Variants in GNB2 observed in about 807,000 individuals in gnomAD.
GNB2 encodes the protein guanine nucleotide-binding protein G(I)/G(S)/G(T) subunit beta-2.
Under a neutral mutation model 40.7 loss-of-function variants are expected in GNB2, and 7 were observed. That is an observed-to-expected ratio of 0.17 (90% CI 0.10 to 0.32). The LOEUF (loss-of-function observed/expected upper bound fraction) is 0.32, where lower values mean the gene tolerates loss of function less well. Ranked by LOEUF, GNB2 falls within the 10% of genes least tolerant of loss-of-function variation. The pLI, the probability that GNB2 is intolerant of heterozygous loss-of-function variation, is 1.00. For missense variants in GNB2, 286 were observed against 473.0 expected, an observed-to-expected ratio of 0.60 and a Z score of 3.67; for synonymous variants, 254 against 191.2, an observed-to-expected ratio of 1.33 and a Z score of -2.71.
At chr7:100,675,080 C>G (rs1383862228) in intron 1 of GNB2, among the ~76,000 whole-genome samples, 1 of 151,740 alleles carries the variant, frequency 6.6e-6, no homozygotes, top group African/African-American at 2.4e-5. Context: ...ACGGCCGGAT[C>G]GCACAGGTGT....
At chr7:100,677,912 A>G (rs1232026418) in intron 7 of GNB2, 94 bp downstream of exon 7, 1 of 1,182,608 alleles carries the variant, frequency 8.5e-7, no homozygotes, top group Non-Finnish European at 1.2e-6. Flanking sequence ...CATGCACCGT[A>G]GCCTCCCTCT....
chr7:100,677,298 G>A (rs1006087185), intron 4 of GNB2, 54 bp from the exon 5 acceptor site: 11 of 1,392,570 alleles, frequency 7.9e-6, no homozygotes, highest in African/African-American at 1.4e-5. Context: ...AGGGAAGGGG[G>A]TGTGTCTTGT....
rs914902723 is a variant in GNB2, at chr7:100,678,998, G to A, written c.*197G>A. On this transcript the variant is annotated 3_prime_UTR_variant, in exon 10 of 10. Coordinates refer to ENST00000303210, the MANE Select transcript of GNB2 (RefSeq NM_005273.4). Reference sequence around the variant, plus strand: ...AGAAGGGGATGGAATGGGGGAAGAGGAGGAGCAGGAGGCCCTCATCCTTCT... The same window carrying A: ...AGAAGGGGATGGAATGGGGGAAGAGAAGGAGCAGGAGGCCCTCATCCTTCT... 5.2e-6 allele frequency: 3 copies of A among 573,964 alleles called. No homozygotes were observed. The highest frequency in any genetic ancestry group is 2.2e-5 in the South Asian group (1 of 44,632). The allele number at this position is 573,964 out of a possible 1,614,324, so 35.6% of individuals were successfully genotyped here.
Position 100,676,263 on chromosome 7 carries a change from G to T in GNB2, c.-3G>T. 6.2e-7 allele frequency: 1 copy of T among 1,600,738 alleles called. No homozygotes were observed. The highest frequency in any genetic ancestry group is 8.5e-7 in the Non-Finnish European group (1 of 1,173,954). ...CCCAACCCTGCCCCACGGGCCCGGC[G>T]CCATGAGTGAGCTGGAGCAACTGAG... On this transcript the variant is annotated 5_prime_UTR_variant, in exon 2 of 10. Coordinates refer to ENST00000303210, the MANE Select transcript of GNB2 (RefSeq NM_005273.4).
At chr7:100,676,489 CA>C in intron 2 of GNB2, 45 bp from the exon 3 acceptor site, 1 of 1,542,310 alleles carries the variant, frequency 6.5e-7, no homozygotes, top group South Asian at 1.1e-5. Flanking sequence ...CTTTCCTCCC[CA>C]ACCTGTCTTC....
rs1381202427 is a variant in GNB2 at position 100,676,782 on chromosome 7, C to T, written c.186C>T (p.His62=). 1.3e-6 allele frequency: 2 copies of T among 1,584,986 alleles called. No homozygotes were observed. The highest frequency in any genetic ancestry group is 2.3e-5 in the East Asian group (1 of 44,110). The change falls in exon 4 of 10, where the codon CAC becomes CAT. Residue 62 remains histidine (H), a synonymous_variant. Coordinates refer to ENST00000303210, the MANE Select transcript of GNB2 (RefSeq NM_005273.4). ...ACCTGGCAAAGATCTATGCCATGCACTGGGGGACCGACTCAAGGTGTGTGT... is the reference window on the plus strand; with the variant it reads ...ACCTGGCAAAGATCTATGCCATGCATTGGGGGACCGACTCAAGGTGTGTGT... ...RGHLAKIYAM[H]WGTDSRLLVS...
intron 4 of GNB2, chr7:100,677,047 C>G: frequency 1.7e-6 from 1 of 593,058 alleles, no homozygotes; most frequent in Non-Finnish European, 3.0e-6. Context: ...GAGGCCAGGG[C>G]AGGATCACTT....
rs1804295776 is a variant in GNB2, at chr7:100,673,888, G to A, written c.-125G>A. 5.5e-6 allele frequency: 1 copy of A among 181,496 alleles called. No individual in the cohort carries two copies. The highest frequency in any genetic ancestry group is 1.1e-5 in the Non-Finnish European group (1 of 90,884). The allele number at this position is 181,496 out of a possible 1,614,324, so 11.2% of individuals were successfully genotyped here. ...AGGAAGACAGCGCCGCCCGCGCACC[G>A]CCAGCGACCTCCGCCGCAGAGTCCC... On this transcript the variant is annotated 5_prime_UTR_variant, in exon 1 of 10. Transcript: ENST00000303210.
Position 100,678,547 on chromosome 7 carries a change from G to T in GNB2, c.849G>T (p.Arg283=). Residue 283 remains arginine (R), a synonymous_variant, in exon 9 of 10, where the codon CGG becomes CGT. Coordinates refer to ENST00000303210, the MANE Select transcript of GNB2 (RefSeq NM_005273.4). ...ITSVAFSRSG[R]LLLAGYDDFN... is the part of the protein sequence containing the mutation. ...CTGTTGCCTTCTCGCGCAGCGGACG[G>T]CTGCTGCTCGCTGGCTACGACGACT... 6.2e-7 allele frequency: 1 copy of T among 1,613,878 alleles called. No homozygotes were observed. The highest frequency in any genetic ancestry group is 8.5e-7 in the Non-Finnish European group (1 of 1,180,002).
chr7:100,676,456 C>T (rs999901877), intron 2 of GNB2, 79 bp from the exon 3 acceptor site: 7 of 1,360,122 alleles, frequency 5.1e-6, no homozygotes, highest in Middle Eastern at 3.6e-4. Context: ...CTGTCCACTC[C>T]TGTCTTCTGT....
rs1804377434 is a variant in GNB2, at chr7:100,677,536, C to T, written c.306C>T (p.Thr102=). 6 of 1,613,552 alleles carry T rather than the reference C, an allele frequency of 3.7e-6. No individual in the cohort carries two copies. In the East Asian group the frequency reaches 1.1e-4, roughly 30 times the overall value. ...CGCTGCGCTCCTCCTGGGTAATGAC[C>T]TGTGCCTACGCGCCCTCAGGGAACT... The part of the protein sequence containing the change: ...AIPLRSSWVM[T]CAYAPSGNFV... Residue 102 remains threonine (T), a synonymous_variant, in exon 6 of 10, where the codon ACC becomes ACT. Transcript: ENST00000303210.
At chr7:100,677,304 C>G in intron 4 of GNB2, 48 bp from the exon 5 acceptor site, 4 of 1,496,416 alleles carry the variant, frequency 2.7e-6, no homozygotes, top group African/African-American at 1.4e-5. Context: ...GGGGGTGTGT[C>G]TTGTTTTCAC....
rs528086305 is a variant in GNB2, at chr7:100,674,207, G to C, written c.-90+284G>C. Among the ~76,000 whole-genome samples the C allele has an allele frequency of 4.6e-5, 7 of 152,126 alleles. No individual in the cohort carries two copies. In the East Asian group the frequency reaches 1.2e-3, roughly 25 times the overall value. The stretch of plus-strand genomic sequence containing the variant: ...TGCCTCTTGCTCCCTCGGAAGTTGG[G>C]GGGCTAAATTCCGGGCTTCCTCTAG... On this transcript the variant is annotated intron_variant, in intron 1 of 9. Transcript: ENST00000303210.
rs1804423550 is a variant in GNB2, at chr7:100,678,723, G to T, written c.945G>T (p.Val315=). The T allele has an allele frequency of 6.2e-7, 1 of 1,613,632 alleles. No homozygotes were observed. Among genetic ancestry groups the T allele is most frequent in the Non-Finnish European group, 8.5e-7 (1 of 1,179,998 alleles). The change falls in exon 10 of 10, where the codon GTG becomes GTT. Residue 315 remains valine, a synonymous_variant. Transcript: ENST00000303210. The part of the protein sequence containing the change: ...AGVLAGHDNR[V]SCLGVTDDGM... ...TCCTCGCTGGCCACGACAACCGCGT[G>T]AGCTGCCTCGGGGTCACCGACGATG...
chr7:100,676,064 G>A, intron 1 of GNB2, 113 bp from the exon 2 acceptor site: 1 of 499,636 alleles, frequency 2.0e-6, no homozygotes, highest in Non-Finnish European at 3.5e-6. Context: ...GACGGCGGCC[G>A]CGCCGCCCCT....
In GNB2 at chr7:100,678,897, C is replaced by A; in HGVS notation, c.*96C>A. ...GGGCTGGCGCAATCCCAGCCCCCTT[C>A]CCCGGGCCACGGGGCCTTGGGTCCC... is the stretch of plus-strand genomic sequence containing the variant. On this transcript the variant is annotated 3_prime_UTR_variant, in exon 10 of 10. Transcript: ENST00000303210. 2.1e-6 allele frequency: 2 copies of A among 968,530 alleles called. No individual in the cohort carries two copies. Among genetic ancestry groups the A allele is most frequent in the Non-Finnish European group, 3.1e-6 (2 of 638,506 alleles). 60.0% of individuals were successfully genotyped at this position (968,530 alleles called of 1,614,324 possible). A position where few individuals can be genotyped will look rare whatever the true frequency, so the allele number is the denominator to read the frequency against.
In GNB2 at chr7:100,678,764, C is replaced by T; in HGVS notation, c.986C>T (p.Thr329Met). 1 of 1,613,528 alleles carries T rather than the reference C, an allele frequency of 6.2e-7. No homozygotes were observed. The highest frequency in any genetic ancestry group is 8.5e-7 in the Non-Finnish European group (1 of 1,179,848). The change falls in exon 10 of 10, where the codon ACG becomes ATG. Residue 329 changes from threonine to methionine, a missense_variant. By Grantham distance (81) the Thr-to-Met change is moderately conservative (BLOSUM62 -1). Coordinates refer to ENST00000303210, the MANE Select transcript of GNB2 (RefSeq NM_005273.4). ...ACCGACGATGGCATGGCTGTGGCCA[C>T]GGGCTCCTGGGACTCCTTCCTCAAG... ...GVTDDGMAVA[T>M]GSWDSFLKIW...
Position 100,677,279 on chromosome 7 carries a change from C to T in GNB2, c.204-73C>T, listed in dbSNP as rs755531036. The T allele has an allele frequency of 4.1e-6, 5 of 1,219,846 alleles. No homozygotes were observed. In the East Asian group the frequency reaches 9.4e-5, roughly 23 times the overall value. 75.6% of individuals were successfully genotyped at this position (1,219,846 alleles called of 1,614,324 possible). A position where few individuals can be genotyped will look rare whatever the true frequency, so the allele number is the denominator to read the frequency against. On this transcript the variant is annotated intron_variant, in intron 4 of 9. Coordinates refer to ENST00000303210, the MANE Select transcript of GNB2 (RefSeq NM_005273.4). ...ACAACAGAGAGAGACCCTACCTTCT[C>T]CCACCCAAAGGGAAGGGGGTGTGTC...
Position 100,677,770 on chromosome 7 carries a change from G to A in GNB2, c.449G>A (p.Arg150His). ...PGHTGYLSCCRFLDDNQIITS... is the reference protein window; with the variant it reads ...PGHTGYLSCCHFLDDNQIITS... The stretch of plus-strand genomic sequence containing the variant: ...TCCCCAGGGTACCTGTCGTGTTGCC[G>A]CTTCCTGGATGACAACCAAATCATC... The change falls in exon 7 of 10, where the codon CGC (arginine) becomes CAC (histidine). Residue 150 changes from arginine to histidine, a missense_variant. Coordinates refer to ENST00000303210, the MANE Select transcript of GNB2 (RefSeq NM_005273.4). The A allele has an allele frequency of 6.2e-7, 1 of 1,613,764 alleles. No individual in the cohort carries two copies. The highest frequency in any genetic ancestry group is 8.5e-7 in the Non-Finnish European group (1 of 1,179,976).
Sources: gnomAD v4.1 joint callset for allele counts (sites outside exome capture counted in the v4.1 genomes callset) on GRCh38, gnomAD v4.1.1 for gene constraint, MANE v1.5 for transcripts, NCBI Gene and HGNC (gene_info 2026-07-23, HGNC 2026-07-21) for gene names.